The following PDIA6 variants were observed in gnomAD, a reference collection of about 807,000 sequenced individuals.
PDIA6 encodes the protein protein disulfide isomerase family A member 6.
Under a neutral mutation model 58.4 loss-of-function variants are expected in PDIA6, and 29 were observed. That is an observed-to-expected ratio of 0.50 (90% CI 0.37 to 0.68). The LOEUF is 0.68. Ranked by LOEUF, PDIA6 falls within the 30% of genes least tolerant of loss-of-function variation. PDIA6 has a pLI of 0.00. For synonymous variants in PDIA6, 192 were observed against 202.6 expected (o/e 0.95, Z 0.44); for missense variants, 480 against 551.0 (o/e 0.87, Z 1.29).
At position 10,812,648 on chromosome 2, in the gene PDIA6, GC is replaced by G. The variant is rs781419950; in HGVS notation, c.19+29del. The G allele has an allele frequency of 1.5e-5, 22 of 1,516,518 alleles. No homozygotes were observed. The African/African-American group carries it at 2.6e-4, about 18-fold the overall frequency. 93.9% of individuals were successfully genotyped at this position (1,516,518 alleles called of 1,614,324 possible). A position where few individuals can be genotyped will look rare whatever the true frequency, so the allele number is the denominator to read the frequency against. The stretch of plus-strand genomic sequence containing the variant: ...AAACCTTTCAGGCCGACCCCAGCTC[GC>G]CCGCCTCCCTCCGCTGGCCCGCACC... On this transcript the variant is annotated intron_variant, in intron 1 of 12. Transcript: ENST00000272227.
chr2:10,800,601 CT>C (rs1053841190), intron 2 of PDIA6, among the ~76,000 whole-genome samples: 35 of 140,852 alleles, frequency 2.5e-4, no homozygotes, highest in Admixed American at 5.0e-4. Context: ...TAAAGGAGAT[CT>C]TTTTTTTTTT....
chr2:10,816,258 A>T (rs1667190499), upstream of PDIA6, among the ~76,000 whole-genome samples: 1 of 151,324 alleles, frequency 6.6e-6, no homozygotes, highest in South Asian at 2.1e-4. Context: ...AATTTTTAAA[A>T]TTTTTTTAGT....
intron 1 of PDIA6, among the ~76,000 whole-genome samples, chr2:10,809,983 G>A (rs1292917026): frequency 2.7e-5 from 3 of 110,898 alleles, no homozygotes; most frequent in Non-Finnish European, 6.7e-5. Context: ...CCTCAAACTA[G>A]TATGACTGTT....
chr2:10,793,665 G>A (rs868388339), intron 4 of PDIA6, among the ~76,000 whole-genome samples: 2 of 152,054 alleles, frequency 1.3e-5, no homozygotes, highest in Non-Finnish European at 2.9e-5. Flanking sequence ...TGTCCAGCCC[G>A]ATTTCTCTTC....
upstream of PDIA6, among the ~76,000 whole-genome samples, chr2:10,816,958 A>G (rs1387257575): frequency 1.3e-5 from 2 of 152,170 alleles, no homozygotes; most frequent in Non-Finnish European, 2.9e-5. Flanking sequence ...TGACATATCA[A>G]AAGCCAGAAC....
At chr2:10,792,741 A>G (rs1206394306) in intron 5 of PDIA6, among the ~76,000 whole-genome samples, 2 of 149,964 alleles carry the variant, frequency 1.3e-5, no homozygotes, top group East Asian at 2.0e-4. Context: ...AGGTAATCCA[A>G]TCTCATCACG....
At chr2:10,801,143 G>A (rs1734357) in intron 2 of PDIA6, among the ~76,000 whole-genome samples, 73,296 of 151,646 alleles carry the variant, frequency 0.48, 19,322 homozygotes, top group South Asian at 0.58. Context: ...GCAGGGCGTG[G>A]TGGTACATGC....
At chr2:10,825,540 A>G (rs1328137669) in intron 1 of PDIA6, among the ~76,000 whole-genome samples, 1 of 152,234 alleles carries the variant, frequency 6.6e-6, no homozygotes, top group African/African-American at 2.4e-5. Flanking sequence ...GGAAGTGACA[A>G]CACACAGTGT....
intron 1 of PDIA6, among the ~76,000 whole-genome samples, chr2:10,827,489 A>T (rs1667583596): frequency 1.3e-5 from 2 of 152,250 alleles, no homozygotes; most frequent in East Asian, 3.9e-4. Flanking sequence ...ATACTAATAA[A>T]GTTTAGTGAT....
At chr2:10,801,247 T>C (rs1666499863) in intron 2 of PDIA6, among the ~76,000 whole-genome samples, 2 of 152,106 alleles carry the variant, frequency 1.3e-5, no homozygotes, top group African/African-American at 4.8e-5. Context: ...TGCTGCACTC[T>C]AGCCTGGGAG....
Position 10,827,839 on chromosome 2 carries a change from T to TAAAAA in PDIA6, c.-48+4362_-48+4363insTTTTT, listed in dbSNP as rs1558465423. ...ACTCTGTCTCAAAAAAAAAAAAATT[T>TAAAAA]TTTTTTTCTTGCAATTCTTTAGAAC... On this transcript the variant is annotated intron_variant, in intron 1 of 13. Transcript: ENST00000381611. Among the ~76,000 whole-genome samples, 26 of 127,370 alleles carry TAAAAA rather than the reference T, an allele frequency of 2.0e-4. 1 individual carries two copies. Among genetic ancestry groups the TAAAAA allele is most frequent in the African/African-American group, 4.5e-4 (13 of 29,148 alleles). 83.6% of individuals were successfully genotyped at this position (127,370 alleles called of 152,430 possible).
At chr2:10,785,846 A>G (rs1263939906) in intron 11 of PDIA6, among the ~76,000 whole-genome samples, 1 of 152,152 alleles carries the variant, frequency 6.6e-6, no homozygotes, top group African/African-American at 2.4e-5. Context: ...CCTAGTAGCT[A>G]GGACTGCAGG....
intron 10 of PDIA6, 94 bp downstream of exon 10, chr2:10,788,603 G>T: frequency 1.9e-4 from 155 of 817,518 alleles, no homozygotes; most frequent in Non-Finnish European, 3.0e-4. Context: ...AGCAAACATA[G>T]AACACAGCTT....
At chr2:10,807,558 A>G (rs1177681584) in intron 1 of PDIA6, among the ~76,000 whole-genome samples, 2 of 152,234 alleles carry the variant, frequency 1.3e-5, no homozygotes, top group African/African-American at 4.8e-5. Flanking sequence ...GAAGTTGATC[A>G]TATCATTTCT....
At chr2:10,797,599 T>C (rs745366975) in intron 3 of PDIA6, 101 bp downstream of exon 3, 111 of 809,732 alleles carry the variant, frequency 1.4e-4, no homozygotes, top group Non-Finnish European at 2.1e-4. Flanking sequence ...TTAAACCATC[T>C]GCATACTTAT....
intron 12 of PDIA6, chr2:10,784,560 CT>C (rs35148273): frequency 0.51 from 240,366 of 468,190 alleles, 56,676 homozygotes; most frequent in Middle Eastern, 0.6. Flanking sequence ...CTGGAAGCCA[CT>C]TGAACGTGTC....
Position 10,787,451 on chromosome 2 carries a change from G to T in PDIA6, c.999-12C>A. 1 of 1,604,074 alleles carries T rather than the reference G, an allele frequency of 6.2e-7. No individual in the cohort carries two copies. The highest frequency in any genetic ancestry group is 8.5e-7 in the Non-Finnish European group (1 of 1,174,934). On this transcript the variant is annotated splice_polypyrimidine_tract_variant and intron_variant, in intron 10 of 12. Coordinates refer to ENST00000272227, the MANE Select transcript of PDIA6 (RefSeq NM_005742.4). ...CTGTCCACAGCCACCTAGAAAACCA[G>T]ACTGGTTTTTAGGGCAAATATGTCT...
rs769738262 is a variant in PDIA6, at chr2:10,783,619, G to A, written c.*639C>T. On this transcript the variant is annotated 3_prime_UTR_variant, in exon 13 of 13. Coordinates refer to ENST00000272227, the MANE Select transcript of PDIA6 (RefSeq NM_005742.4). ...AACCAGCTAGATTCCTTAATAATTA[G>A]TCACTAGAGACAGCCCAAAGACAAA... 1 of 178,216 alleles carries A rather than the reference G, an allele frequency of 5.6e-6. No individual in the cohort carries two copies. Among genetic ancestry groups the A allele is most frequent in the African/African-American group, 2.4e-5 (1 of 41,702 alleles). 11.0% of individuals were successfully genotyped at this position (178,216 alleles called of 1,614,324 possible).
upstream of PDIA6, chr2:10,812,846 G>T (rs1037114438): frequency 4.3e-6 from 5 of 1,165,108 alleles, no homozygotes; most frequent in African/African-American, 1.6e-5. Context: ...GAAGGCGCTC[G>T]CCAAGCCGTG....
Sources: gnomAD v4.1 joint callset for allele counts (sites outside exome capture counted in the v4.1 genomes callset) on GRCh38, gnomAD v4.1.1 for gene constraint, MANE v1.5 for transcripts, NCBI Gene and HGNC (gene_info 2026-07-23, HGNC 2026-07-21) for gene names.